Variants in VKORC1L1 observed in about 807,000 individuals in gnomAD.
VKORC1L1 encodes vitamin K epoxide reductase complex subunit 1-like protein 1.
A neutral mutation model predicts 18.9 loss-of-function variants in VKORC1L1; 2 were observed. The ratio of observed to expected loss-of-function variants is 0.11; its 90% CI spans 0.04 to 0.33. The LOEUF is 0.33. VKORC1L1 is among the 10% of genes least tolerant of loss of function. The pLI, the probability that VKORC1L1 is intolerant of heterozygous loss-of-function variation, is 1.00. For synonymous variants in VKORC1L1, 96 were observed against 100.0 expected, an observed-to-expected ratio of 0.96 and a Z score of 0.24; for missense variants, 123 against 224.1, an observed-to-expected ratio of 0.55 and a Z score of 2.88.
At position 65,912,674 on chromosome 7, in the gene VKORC1L1, A is replaced by G. The variant is rs187296499; in HGVS notation, c.195-35997A>G. Among the ~76,000 whole-genome samples, 285 of 152,300 alleles carry G rather than the reference A, an allele frequency of 1.9e-3. 3 individuals carry two copies. Among genetic ancestry groups the G allele is most frequent in the African/African-American group, 6.7e-3 (278 of 41,554 alleles). ...GGCACTTAAGGCCTAGTGTGTAAGA[A>G]TCTAGTACATCAGTGCTTCTCACAT... On this transcript the variant is annotated intron_variant, in intron 1 of 2. Coordinates refer to ENST00000360768, the MANE Select transcript of VKORC1L1 (RefSeq NM_173517.6).
chr7:65,871,756 T>A (rs1218720099), upstream of VKORC1L1, among the ~76,000 whole-genome samples: 3 of 151,970 alleles, frequency 2.0e-5, no homozygotes, highest in Non-Finnish European at 4.4e-5. Context: ...TGAAAGAGGA[T>A]TCTGAAGCCT....
chr7:65,923,337 C>T (rs1219936048), intron 1 of VKORC1L1, among the ~76,000 whole-genome samples: 1 of 151,292 alleles, frequency 6.6e-6, no homozygotes, highest in African/African-American at 2.4e-5. Context: ...CTGGGGAGGT[C>T]GAGGCTGCAG....
intron 1 of VKORC1L1, 55 bp downstream of exon 1, chr7:65,873,620 C>T (rs1198903623): frequency 2.2e-6 from 3 of 1,356,770 alleles, no homozygotes; most frequent in East Asian, 3.5e-5. Flanking sequence ...AGGGTGGAGT[C>T]TCGGGGTGGG....
intron 1 of VKORC1L1, among the ~76,000 whole-genome samples, chr7:65,886,916 C>A (rs946433296): frequency 7.5e-6 from 1 of 133,318 alleles, no homozygotes; most frequent in African/African-American, 2.7e-5. Context: ...GTGGTGCAAT[C>A]TTGGCTCACT....
intron 1 of VKORC1L1, among the ~76,000 whole-genome samples, chr7:65,932,652 T>C (rs949020597): frequency 3.3e-5 from 5 of 152,254 alleles, no homozygotes; most frequent in African/African-American, 9.6e-5. Flanking sequence ...TGAGTTCTAG[T>C]TTAATTCTAT....
chr7:65,868,920 A>T (rs1019593935), upstream of VKORC1L1, among the ~76,000 whole-genome samples: 1 of 152,042 alleles, frequency 6.6e-6, no homozygotes, highest in African/African-American at 2.4e-5. Context: ...ATATATGCAT[A>T]TAGCACTCCA....
chr7:65,876,141 C>A (rs1477582861), intron 1 of VKORC1L1, among the ~76,000 whole-genome samples: 1 of 152,084 alleles, frequency 6.6e-6, no homozygotes, highest in East Asian at 1.9e-4. Flanking sequence ...TCAATTCTAC[C>A]ATGTACAGCC....
chr7:65,902,195 A>T (rs1471215428), intron 1 of VKORC1L1, among the ~76,000 whole-genome samples: 1 of 152,232 alleles, frequency 6.6e-6, no homozygotes, highest in African/African-American at 2.4e-5. Flanking sequence ...GCAGAACTAG[A>T]TCCAGAAATG....
intron 1 of VKORC1L1, among the ~76,000 whole-genome samples, chr7:65,883,100 T>G (rs1420988884): frequency 1.3e-5 from 2 of 151,822 alleles, no homozygotes; most frequent in African/African-American, 2.4e-5. Flanking sequence ...GTCAGAAGAA[T>G]TTTATTGTTC....
intron 1 of VKORC1L1, among the ~76,000 whole-genome samples, chr7:65,876,612 TTAGCAG>T (rs1480727187): frequency 6.6e-6 from 1 of 152,212 alleles, no homozygotes; most frequent in African/African-American, 2.4e-5. Flanking sequence ...TAACATTCAG[TTAGCAG>T]TCCCTGCCCC....
At chr7:65,927,598 A>G (rs1272796746) in intron 1 of VKORC1L1, among the ~76,000 whole-genome samples, 1 of 152,156 alleles carries the variant, frequency 6.6e-6, no homozygotes, top group African/African-American at 2.4e-5. Context: ...CACAGTCACA[A>G]CAAGCCATTT....
intron 2 of VKORC1L1, 37 bp from the exon 3 acceptor site, chr7:65,954,036 AC>A: frequency 6.4e-7 from 1 of 1,556,584 alleles, no homozygotes; most frequent in Non-Finnish European, 8.7e-7. Context: ...TCTCTCCAGC[AC>A]CAAGGCCTGA....
chr7:65,875,666 C>T (rs1271051524), intron 1 of VKORC1L1, among the ~76,000 whole-genome samples: 1 of 150,686 alleles, frequency 6.6e-6, no homozygotes, highest in Admixed American at 6.7e-5. Context: ...ATCCGCCCTC[C>T]TCGGCCTCCC....
chr7:65,895,480 AATATATATATATATATATAT>A (rs1162173957), intron 1 of VKORC1L1, among the ~76,000 whole-genome samples: 10 of 42,772 alleles, frequency 2.3e-4, no homozygotes, highest in African/African-American at 8.5e-4. Flanking sequence ...AAAAAAAAAA[AATATATATATATATATATAT>A]ATATATATAT....
chr7:65,905,006 C>T (rs972258738), intron 1 of VKORC1L1, among the ~76,000 whole-genome samples: 1 of 151,674 alleles, frequency 6.6e-6, no homozygotes. Flanking sequence ...CATACACATG[C>T]CTGTATGTAT....
rs1247679803 is a variant in VKORC1L1, at chr7:65,957,963, G to A, written c.*3663G>A. The A allele has an allele frequency of 2.6e-5, 4 of 152,236 alleles. No homozygotes were observed. Among genetic ancestry groups the A allele is most frequent in the African/African-American group, 4.8e-5 (2 of 41,466 alleles). 9.4% of individuals were successfully genotyped at this position (152,236 alleles called of 1,614,324 possible). On this transcript the variant is annotated 3_prime_UTR_variant, in exon 3 of 3. Transcript: ENST00000360768. ...ACTTAGATTGGTACCAAGAGTGACA[G>A]GAGATCTTGTCTTGGAAGATCATTA...
Position 65,955,989 on chromosome 7 carries a change from T to G in VKORC1L1, c.*1689T>G, listed in dbSNP as rs2115766281. The G allele has an allele frequency of 6.6e-6, 1 of 152,300 alleles. No homozygotes were observed. Among genetic ancestry groups the G allele is most frequent in the East Asian group, 1.9e-4 (1 of 5,178 alleles). The allele number at this position is 152,300 out of a possible 1,614,324, so 9.4% of individuals were successfully genotyped here. ...CTTCTGGCCCGAGGCAGGTATCAAG[T>G]CCAAATCATAATGAACTTTTCACCA... On this transcript the variant is annotated 3_prime_UTR_variant, in exon 3 of 3. Transcript: ENST00000360768.
At position 65,930,041 on chromosome 7, in the gene VKORC1L1, A is replaced by C. The variant is rs536192568; in HGVS notation, c.195-18630A>C. On this transcript the variant is annotated intron_variant, in intron 1 of 2. Coordinates refer to ENST00000360768, the MANE Select transcript of VKORC1L1 (RefSeq NM_173517.6). Reference sequence around the variant, plus strand: ...TATGTATTTGTCTGTGTGTGCTATTATAAATTATATTACAAATATTTTTAT... The same window carrying C: ...TATGTATTTGTCTGTGTGTGCTATTCTAAATTATATTACAAATATTTTTAT... 6.6e-5 allele frequency among the ~76,000 whole-genome samples: 10 copies of C among 152,300 alleles called. No homozygotes were observed. In the East Asian group the frequency reaches 1.9e-3, roughly 29 times the overall value.
At chr7:65,885,002 A>G (rs1215583214) in intron 1 of VKORC1L1, among the ~76,000 whole-genome samples, 3 of 152,162 alleles carry the variant, frequency 2.0e-5, no homozygotes, top group Admixed American at 1.3e-4. Flanking sequence ...GATAATTTTA[A>G]TGATTTTTCT....
Sources: gnomAD v4.1 joint callset for allele counts (sites outside exome capture counted in the v4.1 genomes callset) on GRCh38, gnomAD v4.1.1 for gene constraint, MANE v1.5 for transcripts, NCBI Gene and HGNC (gene_info 2026-07-23, HGNC 2026-07-21) for gene names.